The following WIPI2 variants were observed in gnomAD, a reference collection of about 807,000 sequenced individuals.
WIPI2 encodes WD repeat domain phosphoinositide-interacting protein 2.
WIPI2 carries 28 observed loss-of-function variants against 52.3 expected under a neutral mutation model. The observed-to-expected ratio is 0.54, with a 90% confidence interval of 0.40 to 0.73. The LOEUF is 0.73. Ranked by LOEUF, WIPI2 falls within the 30% of genes least tolerant of loss-of-function variation. The pLI is 0.00. For missense variants in WIPI2, 506 were observed against 602.9 expected (o/e 0.84, Z 1.68); for synonymous variants, 268 against 245.0 (o/e 1.09, Z -0.88).
intron 2 of WIPI2, among the ~76,000 whole-genome samples, chr7:5,198,467 C>A (rs1231390585): frequency 1.1e-4 from 17 of 152,188 alleles, no homozygotes; most frequent in African/African-American, 4.1e-4. Context: ...GCGCCTTCCA[C>A]CATGCCTGAC....
intron 7 of WIPI2, among the ~76,000 whole-genome samples, chr7:5,219,821 G>A (rs1355255242): frequency 6.6e-6 from 1 of 151,510 alleles, no homozygotes; most frequent in Non-Finnish European, 1.5e-5. Flanking sequence ...AGAACCAAGT[G>A]TTCTCAAGTA....
rs1781928774 is a variant in WIPI2, at chr7:5,199,658, A to G, written c.211A>G (p.Thr71Ala). The G allele has an allele frequency of 1.3e-6, 2 of 1,587,018 alleles. No homozygotes were observed. The highest frequency in any genetic ancestry group is 1.9e-5 in the Admixed American group (1 of 51,718). The change falls in exon 3 of 13, where the codon ACC (threonine) becomes GCC (alanine). Residue 71 changes from threonine to alanine, a missense_variant and splice_region_variant. Transcript: ENST00000288828. ...TAAGCTGGAACAGATCTATGAATGC[A>G]GTAAGTGTTTGCTTTATTTTTCCCC... ...VDKLEQIYEC[T>A]DTEDVCIVER... is the part of the protein sequence containing the mutation.
intron 1 of WIPI2, 174 bp downstream of exon 1, chr7:5,190,667 A>C: frequency 1.9e-6 from 1 of 514,216 alleles, no homozygotes; most frequent in Non-Finnish European, 3.1e-6. Flanking sequence ...GGCGCCCTCC[A>C]GGGAGACCCT....
At position 5,216,808 on chromosome 7, in the gene WIPI2, G is replaced by A. The variant is rs1782837623; in HGVS notation, c.478+149G>A. The A allele has an allele frequency of 2.0e-5, 16 of 781,808 alleles. No individual in the cohort carries two copies. In the South Asian group the frequency reaches 2.7e-4, roughly 13 times the overall value. The allele number at this position is 781,808 out of a possible 1,614,324, so 48.4% of individuals were successfully genotyped here. Reference sequence around the variant, plus strand: ...TCCCAAACCAAGCTGCCTTCCTACTGATGCTGGTCATGTGACCACATAAGC... The same window carrying A: ...TCCCAAACCAAGCTGCCTTCCTACTAATGCTGGTCATGTGACCACATAAGC... On this transcript the variant is annotated intron_variant, in intron 5 of 12. Coordinates refer to ENST00000288828, the MANE Select transcript of WIPI2 (RefSeq NM_015610.4).
At chr7:5,196,519 T>C (rs138011569) in intron 2 of WIPI2, among the ~76,000 whole-genome samples, 123 of 152,318 alleles carry the variant, frequency 8.1e-4, no homozygotes, top group African/African-American at 2.6e-3. Flanking sequence ...ATATCCTAAA[T>C]CAGCTTCCAA....
intron 7 of WIPI2, among the ~76,000 whole-genome samples, chr7:5,220,456 G>A (rs1783061161): frequency 6.6e-6 from 1 of 151,670 alleles, no homozygotes; most frequent in Non-Finnish European, 1.5e-5. Flanking sequence ...GGCCAGGCTG[G>A]TCGTGAACTC....
intron 11 of WIPI2, 103 bp from the exon 12 acceptor site, chr7:5,229,505 G>A: frequency 3.5e-6 from 5 of 1,415,156 alleles, no homozygotes; most frequent in Non-Finnish European, 4.7e-6. Flanking sequence ...GTCCTGTGTG[G>A]TGAGTGGTGT....
At chr7:5,197,122 A>C (rs1583540569) in intron 2 of WIPI2, among the ~76,000 whole-genome samples, 3 of 145,714 alleles carry the variant, frequency 2.1e-5, no homozygotes, top group African/African-American at 7.9e-5. Context: ...AAAAAACAAA[A>C]AAAAAAAAAA....
intron 2 of WIPI2, among the ~76,000 whole-genome samples, chr7:5,198,113 TC>T (rs1249390376): frequency 6.6e-6 from 1 of 152,142 alleles, no homozygotes; most frequent in Admixed American, 6.5e-5. Context: ...CTCTGCTTTT[TC>T]CTTGTAAGCC....
chr7:5,214,971 CTCTT>C (rs1782740693), intron 4 of WIPI2, among the ~76,000 whole-genome samples: 1 of 152,230 alleles, frequency 6.6e-6, no homozygotes, highest in African/African-American at 2.4e-5. Context: ...GGATGGCAGT[CTCTT>C]TCACCTATTA....
At chr7:5,202,064 T>C (rs1488562187) in intron 3 of WIPI2, among the ~76,000 whole-genome samples, 19 of 152,308 alleles carry the variant, frequency 1.2e-4, no homozygotes, top group Non-Finnish European at 8.8e-5. Flanking sequence ...AGAATGTTTC[T>C]TCATGTCTCA....
In WIPI2 at chr7:5,193,188, G is replaced by A; in HGVS notation, c.128+17G>A. 2 of 1,612,224 alleles carry A rather than the reference G, an allele frequency of 1.2e-6. No homozygotes were observed. The highest frequency in any genetic ancestry group is 1.7e-6 in the Non-Finnish European group (2 of 1,179,600). On this transcript the variant is annotated intron_variant, in intron 2 of 12. Transcript: ENST00000288828. ...TGTTGTCTGGTTAGTTCCAACCCTG[G>A]TTTCTGAAAGTATCACCTTGGAAGG...
intron 2 of WIPI2, 128 bp from the exon 3 acceptor site, chr7:5,199,448 C>A: frequency 1.4e-6 from 1 of 721,854 alleles, no homozygotes; most frequent in Non-Finnish European, 2.4e-6. Flanking sequence ...AAATGATTTG[C>A]TCTGTGCTGA....
At chr7:5,225,730 G>A in intron 8 of WIPI2, 93 bp from the exon 9 acceptor site, 1 of 821,076 alleles carries the variant, frequency 1.2e-6, no homozygotes, top group Non-Finnish European at 2.0e-6. Context: ...GCCCAAGTGT[G>A]CCCGTGACAG....
At chr7:5,218,155 G>T (rs1782918783) in intron 7 of WIPI2, 141 bp downstream of exon 7, 1 of 822,236 alleles carries the variant, frequency 1.2e-6, no homozygotes, top group Non-Finnish European at 2.0e-6. Flanking sequence ...CACTTGTCAG[G>T]CCACAGGCGT....
chr7:5,214,284 A>G, intron 3 of WIPI2: 2 of 1,482,264 alleles, frequency 1.3e-6, no homozygotes, highest in South Asian at 2.6e-5. Flanking sequence ...ACTGACTGAA[A>G]GGAACCTTTG....
chr7:5,205,931 T>C (rs193107518), intron 3 of WIPI2, among the ~76,000 whole-genome samples: 2 of 152,028 alleles, frequency 1.3e-5, no homozygotes, highest in Non-Finnish European at 1.5e-5. Context: ...TGTTTTTCTG[T>C]TGGGTTATTT....
At chr7:5,212,709 G>A (rs145323348) in intron 3 of WIPI2, among the ~76,000 whole-genome samples, 168 of 152,308 alleles carry the variant, frequency 1.1e-3, no homozygotes, top group African/African-American at 3.9e-3. Context: ...GTAGAGATAG[G>A]ACCTCACTAT....
Position 5,231,087 on chromosome 7 carries a change from G to T in WIPI2, c.*140G>T. ...ATTAAAAAAAAAAAAAGATTGTAGT[G>T]GTAGTCTAACTCCATAACGCTGAGG... On this transcript the variant is annotated 3_prime_UTR_variant, in exon 13 of 13. Transcript: ENST00000288828. 1 of 567,106 alleles carries T rather than the reference G, an allele frequency of 1.8e-6. No homozygotes were observed. Among genetic ancestry groups the T allele is most frequent in the Non-Finnish European group, 2.9e-6 (1 of 340,600 alleles). 35.1% of individuals were successfully genotyped at this position (567,106 alleles called of 1,614,324 possible). A position where few individuals can be genotyped will look rare whatever the true frequency, so the allele number is the denominator to read the frequency against.
Sources: gnomAD v4.1 joint callset for allele counts (sites outside exome capture counted in the v4.1 genomes callset) on GRCh38, gnomAD v4.1.1 for gene constraint, MANE v1.5 for transcripts, NCBI Gene and HGNC (gene_info 2026-07-23, HGNC 2026-07-21) for gene names.